Variants in XRCC2 observed in about 807,000 individuals in gnomAD.
The protein encoded by XRCC2 is X-ray repair cross complementing 2.
Under a neutral mutation model 27.3 loss-of-function variants are expected in XRCC2, and 24 were observed. The ratio of observed to expected loss-of-function variants is 0.88; its 90% confidence interval spans 0.64 to 1.24. The LOEUF (loss-of-function observed/expected upper bound fraction) is 1.24. XRCC2 is among the 50% of genes most tolerant of loss of function. The probability of loss-of-function intolerance (pLI) is 0.00; values close to 1 mark genes in which losing one functional copy is unlikely to be tolerated. For synonymous variants in XRCC2, 106 were observed against 115.4 expected, an observed-to-expected ratio of 0.92 and a Z score of 0.52; for missense variants, 321 against 325.8, an observed-to-expected ratio of 0.99 and a Z score of 0.11.
chr7:152,671,533 T>C (rs998086289), intron 1 of XRCC2, among the ~76,000 whole-genome samples: 1 of 152,180 alleles, frequency 6.6e-6, no homozygotes, highest in African/African-American at 2.4e-5. Context: ...TCTTCTCTTA[T>C]ACCTATACTC....
At chr7:152,668,277 C>G (rs1201652487) in intron 1 of XRCC2, among the ~76,000 whole-genome samples, 1 of 152,106 alleles carries the variant, frequency 6.6e-6, no homozygotes, top group African/African-American at 2.4e-5. Flanking sequence ...CATATCCATG[C>G]TGTACACACT....
chr7:152,650,873 C>T (rs1468614246), intron 2 of XRCC2, among the ~76,000 whole-genome samples: 3 of 152,016 alleles, frequency 2.0e-5, no homozygotes, highest in Admixed American at 6.6e-5. Context: ...GCGACAAGAG[C>T]GAAACTCCGT....
chr7:152,651,732 T>C (rs950212294), intron 2 of XRCC2, among the ~76,000 whole-genome samples: 2 of 151,848 alleles, frequency 1.3e-5, no homozygotes, highest in East Asian at 2.0e-4. Context: ...CAGGCTGGTC[T>C]TGAACTCCTG....
chr7:152,647,536 A>C lies in XRCC2; in HGVS notation c.*1106T>G, dbSNP rs1164384995. The C allele has an allele frequency of 6.6e-6, 1 of 151,252 alleles. No individual in the cohort carries two copies. The highest frequency in any genetic ancestry group is 2.5e-5 in the African/African-American group (1 of 40,606). The allele number at this position is 151,252 out of a possible 1,614,324, so 9.4% of individuals were successfully genotyped here. On this transcript the variant is annotated 3_prime_UTR_variant, in exon 3 of 3. Transcript: ENST00000359321. ...CAGGATTTTTACTGTTTTGGGTTTT[A>C]CATTAAGTCTTTAATCCATCTTGAG...
chr7:152,675,535 A>C (rs940863068), intron 1 of XRCC2, among the ~76,000 whole-genome samples: 1 of 152,068 alleles, frequency 6.6e-6, no homozygotes, highest in South Asian at 2.1e-4. Context: ...AACGAATACT[A>C]GGGGGTGGCG....
chr7:152,675,245 C>T (rs1446605653), intron 1 of XRCC2, among the ~76,000 whole-genome samples: 1 of 152,058 alleles, frequency 6.6e-6, no homozygotes, highest in African/African-American at 2.4e-5. Flanking sequence ...GAATGTCATC[C>T]TCTCCTTGCC....
chr7:152,657,716 A>G (rs1036642166), intron 2 of XRCC2, among the ~76,000 whole-genome samples: 1 of 152,246 alleles, frequency 6.6e-6, no homozygotes, highest in Admixed American at 6.5e-5. Context: ...TTTACAAAAT[A>G]TGGAAATTAA....
intron 1 of XRCC2, among the ~76,000 whole-genome samples, chr7:152,662,815 C>T (rs967587274): frequency 7.9e-5 from 12 of 151,782 alleles, no homozygotes; most frequent in Middle Eastern, 6.3e-3. Context: ...CCTCGTGATC[C>T]GCCCGCCTCG....
intron 2 of XRCC2, among the ~76,000 whole-genome samples, chr7:152,652,748 C>T (rs1384003449): frequency 6.6e-6 from 1 of 152,142 alleles, no homozygotes; most frequent in Non-Finnish European, 1.5e-5. Flanking sequence ...TCTTGAGAGA[C>T]ATCTAAAGAA....
intron 2 of XRCC2, among the ~76,000 whole-genome samples, chr7:152,655,057 C>T (rs892718473): frequency 1.3e-5 from 2 of 152,220 alleles, no homozygotes; most frequent in African/African-American, 4.8e-5. Flanking sequence ...GCTGCTACAG[C>T]ATCCTTGTCC....
At chr7:152,665,702 G>A (rs187504161) in intron 1 of XRCC2, among the ~76,000 whole-genome samples, 1 of 151,626 alleles carries the variant, frequency 6.6e-6, no homozygotes, top group Non-Finnish European at 1.5e-5. Flanking sequence ...GGCTGGTCTC[G>A]AACTCCTGGG....
intron 2 of XRCC2, among the ~76,000 whole-genome samples, chr7:152,659,948 AT>A (rs1226109910): frequency 6.6e-6 from 1 of 151,008 alleles, no homozygotes; most frequent in Non-Finnish European, 1.5e-5. Context: ...GCAATGAAAT[AT>A]TTAACAAAGA....
intron 1 of XRCC2, among the ~76,000 whole-genome samples, chr7:152,674,910 G>A (rs2098040257): frequency 6.6e-6 from 1 of 151,180 alleles, no homozygotes; most frequent in Non-Finnish European, 1.5e-5. Flanking sequence ...TTATTGGAAC[G>A]CTGCCATGTG....
chr7:152,667,602 G>A (rs1208671796), intron 1 of XRCC2, among the ~76,000 whole-genome samples: 1 of 146,322 alleles, frequency 6.8e-6, no homozygotes. Context: ...CCAAAGCAAC[G>A]TTTTACAACG....
At chr7:152,668,593 G>A (rs2098036903) in intron 1 of XRCC2, among the ~76,000 whole-genome samples, 1 of 152,172 alleles carries the variant, frequency 6.6e-6, no homozygotes, top group East Asian at 1.9e-4. Flanking sequence ...TCCTCTTAGG[G>A]AAGACTAATA....
intron 1 of XRCC2, among the ~76,000 whole-genome samples, chr7:152,668,702 A>G (rs990920999): frequency 1.1e-4 from 17 of 152,232 alleles, no homozygotes; most frequent in African/African-American, 3.4e-4. Flanking sequence ...TAACTAGAAA[A>G]GAATACACAG....
chr7:152,670,501 C>T (rs918029386), intron 1 of XRCC2, among the ~76,000 whole-genome samples: 2 of 152,120 alleles, frequency 1.3e-5, no homozygotes, highest in African/African-American at 2.4e-5. Context: ...CACAGAAGTC[C>T]GTGAGTACAC....
At chr7:152,650,512 C>T (rs138949914) in intron 2 of XRCC2, among the ~76,000 whole-genome samples, 243 of 152,312 alleles carry the variant, frequency 1.6e-3, no homozygotes, top group African/African-American at 5.5e-3. Flanking sequence ...TCTTGCTTGT[C>T]ATTATTAATT....
At position 152,669,736 on chromosome 7, in the gene XRCC2, T is replaced by G. The variant is rs1055848647; in HGVS notation, c.39+6305A>C. 7.4e-4 allele frequency among the ~76,000 whole-genome samples: 112 copies of G among 151,834 alleles called. 3 individuals carry two copies. Among genetic ancestry groups the G allele is most frequent in the Admixed American group, 7.3e-3 (111 of 15,248 alleles). ...GTGAACATTTCATGCAAGTCAAGTA[T>G]GTTCCAGGAACTGAGGTAAGTGCTA... On this transcript the variant is annotated intron_variant, in intron 1 of 2. Coordinates refer to ENST00000359321, the MANE Select transcript of XRCC2 (RefSeq NM_005431.2).
Sources: allele counts gnomAD v4.1 joint callset (sites outside exome capture counted in the v4.1 genomes callset), GRCh38; gene constraint gnomAD v4.1.1; transcripts MANE v1.5; gene names NCBI Gene and HGNC (gene_info 2026-07-23, HGNC 2026-07-21).